GALNT11: variants seen among roughly 807,000 people sequenced by gnomAD.
GALNT11 encodes the protein polypeptide N-acetylgalactosaminyltransferase 11.
GALNT11 carries 47 observed loss-of-function variants against 72.7 expected under a neutral mutation model. The observed-to-expected ratio is 0.65, with a 90% CI of 0.51 to 0.82. GALNT11 has a LOEUF of 0.82. Among genes scored for constraint, GALNT11 ranks in the 40% least tolerant of loss-of-function variants. The probability of loss-of-function intolerance (pLI) is 0.00; values close to 1 mark genes in which losing one functional copy is unlikely to be tolerated. For missense variants in GALNT11, 677 were observed against 778.4 expected, an observed-to-expected ratio of 0.87 and a Z score of 1.55; for synonymous variants, 270 against 286.6, an observed-to-expected ratio of 0.94 and a Z score of 0.58.
At chr7:152,036,951 G>A (rs2082610083) in intron 1 of GALNT11, among the ~76,000 whole-genome samples, 1 of 152,128 alleles carries the variant, frequency 6.6e-6, no homozygotes, top group South Asian at 2.1e-4. Context: ...TTTTCCTATA[G>A]CATTGTTTGA....
intron 1 of GALNT11, among the ~76,000 whole-genome samples, chr7:152,058,053 A>G (rs572067962): frequency 7.2e-5 from 11 of 152,180 alleles, no homozygotes; most frequent in Non-Finnish European, 1.6e-4. Context: ...ACTGCAATAA[A>G]GGGACTATCA....
At chr7:152,102,810 T>C (rs1313342546) in intron 3 of GALNT11, among the ~76,000 whole-genome samples, 1 of 151,664 alleles carries the variant, frequency 6.6e-6, no homozygotes, top group African/African-American at 2.4e-5. Flanking sequence ...GGAGAAACCC[T>C]GTCTCTACTA....
In GALNT11 at chr7:152,084,380, T is replaced by TAAA. The variant is rs11447244; in HGVS notation, c.-38-9788_-38-9786dup. On this transcript the variant is annotated intron_variant, in intron 1 of 11. Coordinates refer to ENST00000430044, the MANE Select transcript of GALNT11 (RefSeq NM_022087.4). ...GCAACAGAGGGAGACCCTGTCTCTT[T>TAAA]AAAAAAAAAAAAAAAAAAAAAAAAC... Among the ~76,000 whole-genome samples, 277 of 105,322 alleles carry TAAA rather than the reference T, an allele frequency of 2.6e-3. 3 individuals are homozygous for TAAA. The highest frequency in any genetic ancestry group is 9.9e-3 in the African/African-American group (265 of 26,690). The allele number at this position is 105,322 out of a possible 152,430, so 69.1% of individuals were successfully genotyped here. A position where few individuals can be genotyped will look rare whatever the true frequency, so the allele number is the denominator to read the frequency against.
intron 1 of GALNT11, among the ~76,000 whole-genome samples, chr7:152,042,529 G>A (rs1490890623): frequency 6.6e-6 from 1 of 152,140 alleles, no homozygotes; most frequent in Non-Finnish European, 1.5e-5. Flanking sequence ...CATTTTAAAG[G>A]TATAGGTTCT....
chr7:152,057,310 CTT>C (rs761816854), intron 1 of GALNT11, among the ~76,000 whole-genome samples: 24 of 137,740 alleles, frequency 1.7e-4, no homozygotes, highest in Non-Finnish European at 1.6e-4. Context: ...ATGATTTTTC[CTT>C]TTTTTTTTTT....
intron 1 of GALNT11, among the ~76,000 whole-genome samples, chr7:152,086,109 A>G (rs1587257718): frequency 6.6e-6 from 1 of 151,516 alleles, no homozygotes; most frequent in Non-Finnish European, 1.5e-5. Context: ...GATGGTTTCA[A>G]TCTCCTGACC....
chr7:152,108,076 A>T lies in GALNT11; in HGVS notation c.751A>T (p.Asn251Tyr). The part of the protein sequence containing the change: ...LVFLDSHCEV[N>Y]VMWLQPLLAA... ...GTTCCTGGACAGCCACTGTGAAGTG[A>T]ATGTGATGTGGCTGCAGCCCTTGCT... The change falls in exon 6 of 12, where the codon AAT (asparagine) becomes TAT (tyrosine). Residue 251 changes from asparagine to tyrosine, a missense_variant. Transcript: ENST00000430044. 1 of 1,613,582 alleles carries T rather than the reference A, an allele frequency of 6.2e-7. No individual in the cohort carries two copies. The highest frequency in any genetic ancestry group is 2.2e-5 in the East Asian group (1 of 44,834).
intron 1 of GALNT11, among the ~76,000 whole-genome samples, chr7:152,084,275 C>T (rs2085494297): frequency 6.7e-6 from 1 of 149,568 alleles, no homozygotes. Flanking sequence ...TGTAGTGGTG[C>T]ACACCTGTAA....
chr7:152,064,057 G>A (rs1414562461), intron 1 of GALNT11, among the ~76,000 whole-genome samples: 1 of 152,098 alleles, frequency 6.6e-6, no homozygotes, highest in African/African-American at 2.4e-5. Context: ...TTGACAGTGG[G>A]GTGTTAAAGT....
At chr7:152,053,203 C>T (rs1391961314) in intron 1 of GALNT11, among the ~76,000 whole-genome samples, 1 of 152,122 alleles carries the variant, frequency 6.6e-6, no homozygotes, top group Non-Finnish European at 1.5e-5. Flanking sequence ...ACCCTTTTTG[C>T]ATGCAGAACA....
Position 152,117,342 on chromosome 7 carries a change from GCCAAAACGAC to G in GALNT11, c.1425_1434del (p.Arg476SerfsTer53). ...AACAACCCATTTTTGTCAATAGAGGGCCAAAACGACCCAAAGTCCTTCAACGTGGAAGGGT... is the reference window on the plus strand; with the variant it reads ...AACAACCCATTTTTGTCAATAGAGGGCCAAAGTCCTTCAACGTGGAAGGGT... On this transcript the variant is annotated frameshift_variant, in exon 9 of 12. Transcript: ENST00000430044. LOFTEE classifies it high-confidence loss of function. The G allele has an allele frequency of 2.5e-6, 4 of 1,614,114 alleles. No individual in the cohort carries two copies. The highest frequency in any genetic ancestry group is 3.4e-6 in the Non-Finnish European group (4 of 1,180,000).
intron 1 of GALNT11, among the ~76,000 whole-genome samples, chr7:152,028,062 G>C (rs2082117976): frequency 6.6e-6 from 1 of 152,232 alleles, no homozygotes; most frequent in African/African-American, 2.4e-5. Flanking sequence ...TTCACAGTCA[G>C]TGTTACAGCT....
At chr7:152,112,221 A>T (rs1269098736) in intron 7 of GALNT11, among the ~76,000 whole-genome samples, 4 of 152,226 alleles carry the variant, frequency 2.6e-5, no homozygotes, top group Non-Finnish European at 1.5e-5. Flanking sequence ...ATTTCTGCAA[A>T]TGTATTGACT....
chr7:152,100,684 G>C, intron 2 of GALNT11, 114 bp from the exon 3 acceptor site: 1 of 1,303,494 alleles, frequency 7.7e-7, no homozygotes, highest in Admixed American at 2.1e-5. Flanking sequence ...TTTGAGAAAA[G>C]AGATATTAGA....
intron 2 of GALNT11, 100 bp from the exon 3 acceptor site, chr7:152,100,698 T>C: frequency 7.1e-7 from 1 of 1,409,696 alleles, no homozygotes; most frequent in Non-Finnish European, 9.7e-7. Flanking sequence ...TATTAGATTA[T>C]AATAGGATAA....
intron 1 of GALNT11, among the ~76,000 whole-genome samples, chr7:152,033,633 T>G (rs1393225311): frequency 6.6e-6 from 1 of 152,202 alleles, no homozygotes; most frequent in East Asian, 1.9e-4. Flanking sequence ...CAGAAGGATT[T>G]TCTTCCTTTC....
chr7:152,081,179 G>A (rs1462146186), intron 1 of GALNT11, among the ~76,000 whole-genome samples: 1 of 152,208 alleles, frequency 6.6e-6, no homozygotes, highest in African/African-American at 2.4e-5. Context: ...TGGAAGATTA[G>A]TGGAATTAAG....
In GALNT11 at chr7:152,108,187, CCT is replaced by C. The variant is rs757141823; in HGVS notation, c.863_864del (p.Pro288ArgfsTer21). ...SADTLAYSSS[P>X]VVRGGFNWGL... ...CGACACGCTGGCCTACAGCTCGTCCCCTGTCGTCCGCGGAGGGTTCAACTGGG... is the reference window on the plus strand; with the variant it reads ...CGACACGCTGGCCTACAGCTCGTCCCGTCGTCCGCGGAGGGTTCAACTGGG... On this transcript the variant is annotated frameshift_variant, in exon 6 of 12. Transcript: ENST00000430044. LOFTEE classifies it high-confidence loss of function. 2.0e-5 allele frequency: 33 copies of C among 1,614,028 alleles called. No homozygotes were observed. The highest frequency in any genetic ancestry group is 4.5e-5 in the East Asian group (2 of 44,892).
Position 152,121,561 on chromosome 7 carries a change from TACC to T in GALNT11, c.1713_1715del (p.Tyr571_Gln572delinsTer), listed in dbSNP as rs764289988. ...TTTTTTTCAGAAAAACAATCGGCTA[TACC>T]AGGTGTCGGTTGGACAGTGCCTGAG... is the stretch of plus-strand genomic sequence containing the variant. On this transcript the variant is annotated stop_gained and inframe_deletion, in exon 12 of 12. Coordinates refer to ENST00000430044, the MANE Select transcript of GALNT11 (RefSeq NM_022087.4). LOFTEE classifies it high-confidence loss of function. The T allele has an allele frequency of 6.2e-7, 1 of 1,611,218 alleles. No homozygotes were observed. Among genetic ancestry groups the T allele is most frequent in the South Asian group, 1.1e-5 (1 of 90,394 alleles).
Sources: gnomAD v4.1 joint callset for allele counts (sites outside exome capture counted in the v4.1 genomes callset) on GRCh38, gnomAD v4.1.1 for gene constraint, MANE v1.5 for transcripts, NCBI Gene and HGNC (gene_info 2026-07-23, HGNC 2026-07-21) for gene names.